KCNH3: variants seen among roughly 807,000 people sequenced by gnomAD.
The protein encoded by KCNH3 is potassium voltage-gated channel subfamily H member 3.
In KCNH3, 36 loss-of-function variants were observed where a neutral mutation model predicts 95.6. That is an observed-to-expected ratio of 0.38 (90% confidence interval 0.29 to 0.50). The LOEUF is 0.50. Ranked by LOEUF, KCNH3 falls within the 20% of genes least tolerant of loss-of-function variation. The pLI, the probability that KCNH3 is intolerant of heterozygous loss-of-function variation, is 0.95. For missense variants in KCNH3, 1,030 were observed against 1,484.1 expected (o/e 0.69, Z 5.03); for synonymous variants, 620 against 646.3 (o/e 0.96, Z 0.62).
rs1823245401 is a variant in KCNH3, at chr12:49,539,336, G to A, written c.-81G>A. ...CTAGGGAGCGCGGGGCCCGGCGGGG[G>A]GCGGCCGAGCTGGGCGCCCTCCCCC... On this transcript the variant is annotated 5_prime_UTR_variant, in exon 1 of 15. Coordinates refer to ENST00000257981, the MANE Select transcript of KCNH3 (RefSeq NM_012284.3). This position sits in a 1 kb window ranked among gnomAD's most constrained non-coding sequence, Gnocchi z 6.7. 7.0e-6 allele frequency: 6 copies of A among 855,604 alleles called. No homozygotes were observed. Among genetic ancestry groups the A allele is most frequent in the African/African-American group, 3.6e-5 (2 of 55,514 alleles). 53.0% of individuals were successfully genotyped at this position (855,604 alleles called of 1,614,324 possible).
At chr12:49,552,932 T>G (rs1177155667) in intron 10 of KCNH3, among the ~76,000 whole-genome samples, 6 of 152,166 alleles carry the variant, frequency 3.9e-5, no homozygotes, top group African/African-American at 1.4e-4. Context: ...TGGGGTGCAT[T>G]CTATACTTAA....
intron 5 of KCNH3, 122 bp from the exon 6 acceptor site, chr12:49,543,793 A>T: frequency 7.6e-7 from 1 of 1,314,590 alleles, no homozygotes; most frequent in Non-Finnish European, 1.1e-6. Context: ...TACTGTGAGA[A>T]CTAAGACGAT....
chr12:49,543,439 G>C lies in KCNH3; in HGVS notation c.744G>C (p.Val248=). The C allele has an allele frequency of 6.2e-7, 1 of 1,606,670 alleles. No individual in the cohort carries two copies. The highest frequency in any genetic ancestry group is 8.5e-7 in the Non-Finnish European group (1 of 1,179,976). ...TCACTGTGCCCTACAGCGTGTGTGT[G>C]AGCACAGCACGGGAGCCCAGTGCCG... ...VAVTVPYSVC[V]STAREPSAAR... Residue 248 remains valine (V), a synonymous_variant, in exon 5 of 15, where the codon GTG becomes GTC. Coordinates refer to ENST00000257981, the MANE Select transcript of KCNH3 (RefSeq NM_012284.3).
intron 11 of KCNH3, among the ~76,000 whole-genome samples, chr12:49,555,321 G>A (rs1339714124): frequency 6.6e-5 from 10 of 151,194 alleles, no homozygotes; most frequent in Admixed American, 1.3e-4. Flanking sequence ...GTGTGGTGGC[G>A]GGCGCCTGTA....
rs148739866 is a variant in KCNH3, at chr12:49,553,521, C to A, written c.1919-816C>A. Among the ~76,000 whole-genome samples, 25 of 152,310 alleles carry A rather than the reference C, an allele frequency of 1.6e-4. No homozygotes were observed. In the East Asian group the frequency reaches 3.7e-3, roughly 22 times the overall value. On this transcript the variant is annotated intron_variant, in intron 10 of 14. Transcript: ENST00000257981. The stretch of plus-strand genomic sequence containing the variant: ...GTCTTTGTGTGAGGCACTTTATCTA[C>A]ATTAACTCTAATTTAGCCTCAACAT...
In KCNH3 at chr12:49,557,874, A is replaced by C. The variant is rs768329653; in HGVS notation, c.3173A>C (p.His1058Pro). Residue 1058 changes from histidine (H) to proline (P), a missense_variant, in exon 15 of 15, where the codon CAC (histidine) becomes CCC (proline). His to Pro is a moderately conservative substitution (Grantham distance 77). This residue lies in a region of KCNH3 where 464 missense variants were observed against 493.2 expected (regional missense o/e 0.94). Transcript: ENST00000257981. ...SGGLALPWDPHSLEMVLIGCH... is the reference protein window; with the variant it reads ...SGGLALPWDPPSLEMVLIGCH... ...GGCCTGGCCTTGCCCTGGGACCCCC[A>C]CAGCCTGGAGATGGTGCTTATTGGC... 8 of 1,571,514 alleles carry C rather than the reference A, an allele frequency of 5.1e-6. No homozygotes were observed. The Admixed American group carries it at 7.4e-5, about 15-fold the overall frequency.
At position 49,557,262 on chromosome 12, in the gene KCNH3, G is replaced by A; in HGVS notation, c.2652+3G>A. 1 of 1,613,996 alleles carries A rather than the reference G, an allele frequency of 6.2e-7. No homozygotes were observed. Among genetic ancestry groups the A allele is most frequent in the Non-Finnish European group, 8.5e-7 (1 of 1,179,992 alleles). On this transcript the variant is annotated splice_donor_region_variant and intron_variant, in intron 14 of 14. Coordinates refer to ENST00000257981, the MANE Select transcript of KCNH3 (RefSeq NM_012284.3). ...CACTGGACAAGCTTCGGCAGGCGGT[G>A]GGTGAGGGGGAAGGTGGAGGTGAGG... is the stretch of plus-strand genomic sequence containing the variant.
intron 13 of KCNH3, chr12:49,556,703 C>T (rs1385118907): frequency 1.4e-6 from 1 of 694,506 alleles, no homozygotes; most frequent in South Asian, 1.5e-5. Flanking sequence ...CTTGCTCTGT[C>T]AGCTTTCTAG....
chr12:49,542,890 A>G, intron 4 of KCNH3, 51 bp downstream of exon 4: 1 of 1,583,970 alleles, frequency 6.3e-7, no homozygotes, highest in South Asian at 1.2e-5. Context: ...GACGCAGAAG[A>G]TGGGGAAGGG....
chr12:49,557,416 T>C lies in KCNH3; in HGVS notation c.2715T>C (p.Ala905=). 1 of 1,602,708 alleles carries C rather than the reference T, an allele frequency of 6.2e-7. No individual in the cohort carries two copies. Among genetic ancestry groups the C allele is most frequent in the Non-Finnish European group, 8.5e-7 (1 of 1,172,742 alleles). ...MREGLQSLRQ[A]VQLVLAPHRE... is the part of the protein sequence containing the mutation. ...AAGGACTGCAGTCACTTCGCCAGGC[T>C]GTGCAGCTTGTCCTGGCGCCCCACA... Residue 905 remains alanine (A), a synonymous_variant, in exon 15 of 15, where the codon GCT becomes GCC. Coordinates refer to ENST00000257981, the MANE Select transcript of KCNH3 (RefSeq NM_012284.3).
At chr12:49,546,129 A>C (rs1363485553) in intron 7 of KCNH3, 1 of 151,876 alleles carries the variant, frequency 6.6e-6, no homozygotes, top group Middle Eastern at 3.2e-3. Flanking sequence ...TCTTCCAACC[A>C]CCTCACAGGG....
At chr12:49,556,946 C>G (rs1938479263) in intron 13 of KCNH3, among the ~76,000 whole-genome samples, 1 of 152,106 alleles carries the variant, frequency 6.6e-6, no homozygotes, top group African/African-American at 2.4e-5. Context: ...GCACAAAGAA[C>G]AACTTTTTGA....
chr12:49,549,844 G>T (rs1013803918), intron 9 of KCNH3, among the ~76,000 whole-genome samples: 7 of 152,220 alleles, frequency 4.6e-5, no homozygotes, highest in African/African-American at 1.4e-4. Flanking sequence ...CTGGGGGCTT[G>T]GTACTCACTG....
At chr12:49,555,501 T>C in intron 11 of KCNH3, 119 bp from the exon 12 acceptor site, 1 of 543,960 alleles carries the variant, frequency 1.8e-6, no homozygotes, top group Non-Finnish European at 3.2e-6. Context: ...AGAATAGATG[T>C]TGGCTATTCT....
chr12:49,556,034 C>T (rs1938430229), intron 12 of KCNH3, 83 bp downstream of exon 12: 1 of 689,408 alleles, frequency 1.5e-6, no homozygotes, highest in Non-Finnish European at 2.5e-6. Flanking sequence ...CCTAGGTGCC[C>T]ATCTAACCAT....
At chr12:49,551,753 G>A (rs1233414378) in intron 10 of KCNH3, among the ~76,000 whole-genome samples, 2 of 152,128 alleles carry the variant, frequency 1.3e-5, no homozygotes, top group Non-Finnish European at 2.9e-5. Flanking sequence ...CGAATCCTCA[G>A]GCAGCCAAGG....
At chr12:49,541,851 C>A in intron 3 of KCNH3, 87 bp downstream of exon 3, 1 of 1,425,510 alleles carries the variant, frequency 7.0e-7, no homozygotes, top group Non-Finnish European at 9.6e-7. Context: ...ACGGGGGTCC[C>A]CCATGCACCT....
chr12:49,556,309 C>A, intron 12 of KCNH3, 61 bp from the exon 13 acceptor site: 1 of 1,262,692 alleles, frequency 7.9e-7, no homozygotes, highest in Non-Finnish European at 1.2e-6. Flanking sequence ...CATCCCGTCC[C>A]GTATGACCCC....
chr12:49,543,697 C>CTTGA, intron 5 of KCNH3, 179 bp downstream of exon 5: 1 of 1,060,676 alleles, frequency 9.4e-7, no homozygotes, highest in Non-Finnish European at 1.3e-6. Context: ...GTTATATGAC[C>CTTGA]TTGAGCTGGT....
Sources: gnomAD v4.1 joint callset for allele counts (sites outside exome capture counted in the v4.1 genomes callset) on GRCh38, gnomAD v4.1.1 for gene constraint, gnomAD v4.1.1 regional missense constraint, Gnocchi (gnomAD v3.1) non-coding constraint, MANE v1.5 for transcripts, NCBI Gene and HGNC (gene_info 2026-07-23, HGNC 2026-07-21) for gene names.